TMEM131: variants seen among roughly 807,000 people sequenced by gnomAD.
TMEM131 encodes transmembrane protein 131.
Under a neutral mutation model 211.6 loss-of-function variants are expected in TMEM131, and 66 were observed. That is an observed-to-expected ratio of 0.31 (90% CI 0.26 to 0.38). TMEM131 has a LOEUF of 0.38. Among genes scored for constraint, TMEM131 ranks in the 10% least tolerant of loss-of-function variants. The pLI, the probability that TMEM131 is intolerant of heterozygous loss-of-function variation, is 1.00. For missense variants in TMEM131, 2,036 were observed against 2,299.3 expected, an observed-to-expected ratio of 0.89 and a Z score of 2.34; for synonymous variants, 844 against 841.3, an observed-to-expected ratio of 1.00 and a Z score of -0.06.
chr2:97,812,719 G>C lies in TMEM131; in HGVS notation c.1648C>G (p.Arg550Gly). Residue 550 changes from arginine (R) to glycine (G), a missense_variant, in exon 16 of 41, where the codon CGT becomes GGT. This residue lies in a region of TMEM131 where 1,623 missense variants were observed against 1,805.9 expected (regional missense o/e 0.90). Transcript: ENST00000186436. ...CTCAGTACTCCAAAATCTATGAAACGTTCCTCTATTTTGGGGGGCAATACA... is the reference window on the plus strand; with the variant it reads ...CTCAGTACTCCAAAATCTATGAAACCTTCCTCTATTTTGGGGGGCAATACA... ...YFVLPPKIEERFIDFGVLSAT... is the reference protein window; with the variant it reads ...YFVLPPKIEEGFIDFGVLSAT... 5 of 1,589,574 alleles carry C rather than the reference G, an allele frequency of 3.1e-6. No individual in the cohort carries two copies. The highest frequency in any genetic ancestry group is 4.3e-6 in the Non-Finnish European group (5 of 1,172,406).
chr2:97,815,614 T>C (rs2104981363), intron 12 of TMEM131, among the ~76,000 whole-genome samples: 1 of 152,310 alleles, frequency 6.6e-6, no homozygotes, highest in South Asian at 2.1e-4. Flanking sequence ...TACAGCAGAA[T>C]TTCTCATCCT....
At chr2:97,789,016 T>C (rs1680375829) in intron 31 of TMEM131, among the ~76,000 whole-genome samples, 1 of 152,180 alleles carries the variant, frequency 6.6e-6, no homozygotes, top group Non-Finnish European at 1.5e-5. Flanking sequence ...GAGTAAAAGC[T>C]CCCAAAACAC....
At chr2:97,912,909 T>C (rs1231356983) in intron 2 of TMEM131, 1 of 152,144 alleles carries the variant, frequency 6.6e-6, no homozygotes, top group Non-Finnish European at 1.5e-5. Context: ...TCGGCAAAAA[T>C]ATATGTGATA....
intron 11 of TMEM131, among the ~76,000 whole-genome samples, chr2:97,831,664 CTTTTTTTTTTT>C (rs11378393): frequency 1.9e-4 from 15 of 80,630 alleles, no homozygotes; most frequent in African/African-American, 5.6e-4. Context: ...TCACATACCT[CTTTTTTTTTTT>C]TTTTTTTTTT....
chr2:97,877,609 G>T (rs1272224740), intron 4 of TMEM131, among the ~76,000 whole-genome samples: 1 of 152,164 alleles, frequency 6.6e-6, no homozygotes, highest in Non-Finnish European at 1.5e-5. Flanking sequence ...ATGCAGAAAA[G>T]ATTCCCTATT....
intron 34 of TMEM131, 72 bp from the exon 35 acceptor site, chr2:97,766,335 C>G: frequency 6.2e-7 from 1 of 1,604,826 alleles, no homozygotes; most frequent in Non-Finnish European, 8.5e-7. Flanking sequence ...TTCAATGAAC[C>G]TTCTAATGAG....
chr2:97,835,481 G>A (rs527321773), intron 8 of TMEM131, among the ~76,000 whole-genome samples: 3 of 152,256 alleles, frequency 2.0e-5, no homozygotes, highest in South Asian at 4.1e-4. Flanking sequence ...TTTCAGTCCC[G>A]TAATGAGAGA....
chr2:97,789,890 A>G (rs1680421413), intron 31 of TMEM131, among the ~76,000 whole-genome samples: 1 of 152,200 alleles, frequency 6.6e-6, no homozygotes, highest in Non-Finnish European at 1.5e-5. Flanking sequence ...ATCATCTTCC[A>G]CTGGAAGCAG....
intron 1 of TMEM131, among the ~76,000 whole-genome samples, chr2:97,992,687 CAA>C (rs753238791): frequency 6.6e-6 from 1 of 152,008 alleles, no homozygotes; most frequent in Non-Finnish European, 1.5e-5. Context: ...CTTTATAATT[CAA>C]AAGACTACTA....
intron 8 of TMEM131, 72 bp downstream of exon 8, chr2:97,837,005 T>G: frequency 8.0e-7 from 1 of 1,243,798 alleles, no homozygotes; most frequent in Non-Finnish European, 1.2e-6. Context: ...ATTAAGGAGT[T>G]AAATATTTTC....
intron 12 of TMEM131, among the ~76,000 whole-genome samples, chr2:97,817,251 T>C (rs765239525): frequency 2.0e-5 from 3 of 152,120 alleles, no homozygotes; most frequent in Non-Finnish European, 4.4e-5. Context: ...TTGCAGACCA[T>C]GTGGAGAATT....
At chr2:97,826,968 G>A (rs943867848) in intron 11 of TMEM131, among the ~76,000 whole-genome samples, 3 of 148,706 alleles carry the variant, frequency 2.0e-5, no homozygotes, top group Non-Finnish European at 3.0e-5. Context: ...ACAAAGGTCC[G>A]ACCAGACCTA....
At chr2:97,929,526 AG>A (rs1207782645) in intron 1 of TMEM131, among the ~76,000 whole-genome samples, 1 of 151,794 alleles carries the variant, frequency 6.6e-6, no homozygotes, top group Non-Finnish European at 1.5e-5. Flanking sequence ...AAAAGTGGAC[AG>A]TCAAGCAGCA....
intron 4 of TMEM131, among the ~76,000 whole-genome samples, chr2:97,878,092 T>C (rs191249741): frequency 3.9e-5 from 6 of 152,042 alleles, no homozygotes; most frequent in African/African-American, 1.2e-4. Flanking sequence ...AACAAACATA[T>C]GAAAAAATGC....
At chr2:97,830,144 A>C (rs1682596291) in intron 11 of TMEM131, among the ~76,000 whole-genome samples, 1 of 150,252 alleles carries the variant, frequency 6.7e-6, no homozygotes, top group Admixed American at 6.6e-5. Context: ...AAAAAAAAAA[A>C]AAAAAAAAAA....
chr2:97,955,244 C>CAA (rs1044264082), intron 1 of TMEM131, among the ~76,000 whole-genome samples: 1 of 151,494 alleles, frequency 6.6e-6, no homozygotes, highest in Non-Finnish European at 1.5e-5. Flanking sequence ...TCAATTGATG[C>CAA]AAAAAAAATC....
intron 40 of TMEM131, among the ~76,000 whole-genome samples, 170 bp from the exon 41 acceptor site, chr2:97,757,553 TGA>T (rs1459571178): frequency 2.0e-5 from 3 of 152,336 alleles, no homozygotes; most frequent in Non-Finnish European, 4.4e-5. Context: ...CTGATTTTTT[TGA>T]GACAGGGTCT....
At chr2:97,940,635 C>T (rs111720304) in intron 1 of TMEM131, among the ~76,000 whole-genome samples, 3,476 of 151,922 alleles carry the variant, frequency 0.023, 57 homozygotes, top group Middle Eastern at 0.048. Flanking sequence ...GGTGAAACCC[C>T]GTCTCTACTA....
chr2:97,839,312 A>AAACC lies in TMEM131; in HGVS notation c.724-2159_724-2156dup, dbSNP rs56114114. Among the ~76,000 whole-genome samples, 881 of 148,568 alleles carry AAACC rather than the reference A, an allele frequency of 5.9e-3. 14 individuals are homozygous for AAACC. The highest frequency in any genetic ancestry group is 0.034 in the East Asian group (173 of 5,068). On this transcript the variant is annotated intron_variant, in intron 7 of 40. Coordinates refer to ENST00000186436, the MANE Select transcript of TMEM131 (RefSeq NM_015348.2). ...ACTGCACTCCAGCCTGGTGTCTGGA[A>AAACC]AACCAACCAACCAACCAACCAACCA...
Sources: gnomAD v4.1 joint callset for allele counts (sites outside exome capture counted in the v4.1 genomes callset) on GRCh38, gnomAD v4.1.1 for gene constraint, gnomAD v4.1.1 regional missense constraint, MANE v1.5 for transcripts, NCBI Gene and HGNC (gene_info 2026-07-23, HGNC 2026-07-21) for gene names.